Variants in DCP2 observed in about 807,000 individuals in gnomAD.
The protein encoded by DCP2 is decapping mRNA 2, also known as m7GpppN-mRNA hydrolase.
DCP2 carries 30 observed loss-of-function variants against 56.1 expected under a neutral mutation model. The ratio of observed to expected loss-of-function variants is 0.53; its 90% CI spans 0.40 to 0.73. The LOEUF is 0.73. DCP2 is among the 30% of genes least tolerant of loss of function. The pLI, the probability that DCP2 is intolerant of heterozygous loss-of-function variation, is 0.00. For missense variants in DCP2, 533 were observed against 502.7 expected (o/e 1.06, Z -0.58); for synonymous variants, 197 against 163.3 (o/e 1.21, Z -1.57).
intron 6 of DCP2, 40 bp from the exon 7 acceptor site, chr5:113,001,525 CTG>C (rs983898490): frequency 3.1e-6 from 5 of 1,607,738 alleles, no homozygotes; most frequent in Admixed American, 3.3e-5. Flanking sequence ...CATCTTCTGT[CTG>C]TAGCCATATT....
intron 1 of DCP2, among the ~76,000 whole-genome samples, chr5:112,983,414 T>A (rs527667929): frequency 7.2e-5 from 11 of 152,152 alleles, no homozygotes; most frequent in African/African-American, 1.7e-4. Flanking sequence ...GGGTATTTTT[T>A]TAAAAAAATA....
intron 9 of DCP2, among the ~76,000 whole-genome samples, chr5:113,008,849 C>CTTTT (rs201529934): frequency 6.8e-6 from 1 of 147,400 alleles, no homozygotes; most frequent in Non-Finnish European, 1.5e-5. Flanking sequence ...AGACAGATAA[C>CTTTT]TTTTTTTTTT....
chr5:112,984,967 A>G (rs953711184), intron 1 of DCP2, among the ~76,000 whole-genome samples: 1 of 151,706 alleles, frequency 6.6e-6, no homozygotes, highest in South Asian at 2.1e-4. Context: ...ATTATTTACT[A>G]TGATAGTGAT....
At chr5:113,002,563 C>T (rs1749229600) in intron 7 of DCP2, among the ~76,000 whole-genome samples, 1 of 152,000 alleles carries the variant, frequency 6.6e-6, no homozygotes, top group African/African-American at 2.4e-5. Context: ...TCTCTGTTGC[C>T]CAGGCTGGAG....
intron 8 of DCP2, among the ~76,000 whole-genome samples, chr5:113,005,139 A>T (rs1172011326): frequency 3.7e-5 from 1 of 26,670 alleles, no homozygotes; most frequent in Non-Finnish European, 6.9e-5. Flanking sequence ...CAAAAAAAAA[A>T]GTGTGCGTGT....
chr5:112,994,024 T>A (rs1467198899), intron 4 of DCP2, among the ~76,000 whole-genome samples: 1 of 151,986 alleles, frequency 6.6e-6, no homozygotes, highest in Non-Finnish European at 1.5e-5. Context: ...TTTGAACTTC[T>A]GAGGTCAAGT....
intron 4 of DCP2, among the ~76,000 whole-genome samples, chr5:112,996,252 T>G (rs1415446824): frequency 6.6e-6 from 1 of 152,208 alleles, no homozygotes; most frequent in Non-Finnish European, 1.5e-5. Context: ...CTTGACCGAG[T>G]GACATTACCA....
chr5:112,977,491 G>C (rs1176902857), intron 1 of DCP2, among the ~76,000 whole-genome samples: 1 of 152,150 alleles, frequency 6.6e-6, no homozygotes, highest in Non-Finnish European at 1.5e-5. Context: ...ACGCCTGCGT[G>C]TTATTTGTCC....
chr5:113,001,015 G>T, intron 4 of DCP2, 69 bp from the exon 5 acceptor site: 1 of 1,429,016 alleles, frequency 7.0e-7, no homozygotes. Context: ...TTTGTCTTGG[G>T]AATAAATTTT....
At chr5:113,004,378 A>C (rs994498875) in intron 8 of DCP2, among the ~76,000 whole-genome samples, 6 of 152,242 alleles carry the variant, frequency 3.9e-5, no homozygotes, top group African/African-American at 1.4e-4. Context: ...AGTGGGATCT[A>C]TTGGCTTTTG....
intron 7 of DCP2, among the ~76,000 whole-genome samples, chr5:113,003,465 A>C (rs955163332): frequency 6.6e-6 from 1 of 152,102 alleles, no homozygotes; most frequent in Non-Finnish European, 1.5e-5. Flanking sequence ...AGTCTCAGCA[A>C]CTTGGGAGGC....
chr5:112,980,390 C>A (rs1207710279), intron 1 of DCP2, among the ~76,000 whole-genome samples: 1 of 152,148 alleles, frequency 6.6e-6, no homozygotes, highest in Non-Finnish European at 1.5e-5. Flanking sequence ...CTTCAGCTAG[C>A]CGTGTTAGTG....
At position 113,014,247 on chromosome 5, in the gene DCP2, G is replaced by A. The variant is rs868616486; in HGVS notation, c.*763G>A. ...GGACCCAGCAGCTACTTTGGGTCAT[G>A]TCTTTACTGTCCTGCCTCCAACCCT... is the stretch of plus-strand genomic sequence containing the variant. On this transcript the variant is annotated 3_prime_UTR_variant, in exon 11 of 11. Transcript: ENST00000389063. 5 of 152,166 alleles carry A rather than the reference G, an allele frequency of 3.3e-5. No homozygotes were observed. Among genetic ancestry groups the A allele is most frequent in the African/African-American group, 1.2e-4 (5 of 41,428 alleles). The allele number at this position is 152,166 out of a possible 1,614,324, so 9.4% of individuals were successfully genotyped here.
chr5:112,979,374 CT>C (rs1747891478), intron 1 of DCP2, among the ~76,000 whole-genome samples: 1 of 152,094 alleles, frequency 6.6e-6, no homozygotes, highest in Non-Finnish European at 1.5e-5. Flanking sequence ...CAGATTCAAG[CT>C]TTTCATTGTA....
chr5:113,010,971 G>A (rs1043209982), intron 10 of DCP2, among the ~76,000 whole-genome samples, 164 bp downstream of exon 10: 2 of 152,150 alleles, frequency 1.3e-5, no homozygotes, highest in Admixed American at 1.3e-4. Context: ...TAAGAAACTG[G>A]CTGAAACAAA....
chr5:113,010,294 C>T (rs1048369884), intron 9 of DCP2, among the ~76,000 whole-genome samples: 1 of 150,690 alleles, frequency 6.6e-6, no homozygotes, highest in African/African-American at 2.4e-5. Context: ...GATCCTCATG[C>T]TCTGGCTTCC....
At chr5:112,990,573 T>C (rs1257380898) in intron 2 of DCP2, among the ~76,000 whole-genome samples, 1 of 152,178 alleles carries the variant, frequency 6.6e-6, no homozygotes, top group Non-Finnish European at 1.5e-5. Context: ...AATGAAGGCA[T>C]GCACTAATTA....
chr5:112,997,395 T>G (rs749989590), intron 4 of DCP2, among the ~76,000 whole-genome samples: 1 of 152,236 alleles, frequency 6.6e-6, no homozygotes, highest in South Asian at 2.1e-4. Context: ...GTTTCAAGAT[T>G]TAATATATCG....
At position 113,021,325 on chromosome 5, in the gene DCP2, C is replaced by G. The variant is rs555615932; in HGVS notation, c.*7841C>G. 1.5e-4 allele frequency among the ~76,000 whole-genome samples: 22 copies of G among 150,508 alleles called. No homozygotes were observed. In the South Asian group the frequency reaches 4.4e-3, roughly 30 times the overall value. The stretch of plus-strand genomic sequence containing the variant: ...GAGGTCGCAGTGAGCTGAGATCACA[C>G]CACTGCACTCCAGCCTGGGTGAACA... On this transcript the variant is annotated 3_prime_UTR_variant, in exon 11 of 11. Coordinates refer to ENST00000389063, the MANE Select transcript of DCP2 (RefSeq NM_152624.6).
Sources: gnomAD v4.1 joint callset for allele counts (sites outside exome capture counted in the v4.1 genomes callset) on GRCh38, gnomAD v4.1.1 for gene constraint, MANE v1.5 for transcripts, NCBI Gene and HGNC (gene_info 2026-07-23, HGNC 2026-07-21) for gene names.